Variants in ADAM9 observed in about 807,000 individuals in gnomAD.
The protein encoded by ADAM9 is ADAM metallopeptidase domain 9.
Under a neutral mutation model 108.1 loss-of-function variants are expected in ADAM9, and 54 were observed. That is an observed-to-expected ratio of 0.50 (90% CI 0.40 to 0.63). The LOEUF (loss-of-function observed/expected upper bound fraction) is 0.63. Ranked by LOEUF, ADAM9 falls within the 20% of genes least tolerant of loss-of-function variation. The pLI, the probability that ADAM9 is intolerant of heterozygous loss-of-function variation, is 0.00. For synonymous variants in ADAM9, 316 were observed against 336.0 expected (o/e 0.94, Z 0.65); for missense variants, 830 against 997.7 (o/e 0.83, Z 2.26).
At chr8:39,068,928 G>A (rs1347669795) in intron 14 of ADAM9, among the ~76,000 whole-genome samples, 1 of 152,106 alleles carries the variant, frequency 6.6e-6, no homozygotes, top group African/African-American at 2.4e-5. Flanking sequence ...GTAGAGAAGA[G>A]ACAGTCACTT....
chr8:39,102,633 A>G (rs1472826627), intron 21 of ADAM9, among the ~76,000 whole-genome samples: 3 of 152,252 alleles, frequency 2.0e-5, no homozygotes, highest in Non-Finnish European at 4.4e-5. Context: ...AGAAAAGAAA[A>G]TATGACTAAA....
intron 11 of ADAM9, among the ~76,000 whole-genome samples, chr8:39,037,076 A>C (rs1208765648): frequency 4.4e-5 from 2 of 45,142 alleles, no homozygotes; most frequent in African/African-American, 2.1e-4. Flanking sequence ...TTTTTTTTTG[A>C]GACGGAGTCT....
At chr8:39,038,210 C>G (rs190726089) in intron 11 of ADAM9, among the ~76,000 whole-genome samples, 1 of 152,258 alleles carries the variant, frequency 6.6e-6, no homozygotes, top group African/African-American at 2.4e-5. Context: ...TCACATTACT[C>G]CTGCACTTTT....
chr8:39,054,684 T>C (rs1039449701), intron 13 of ADAM9, 111 bp downstream of exon 13: 4 of 937,354 alleles, frequency 4.3e-6, no homozygotes, highest in Non-Finnish European at 4.8e-6. Context: ...ATTTTTATTT[T>C]ATGGTCATGG....
At chr8:39,080,026 TG>T (rs1220806009) in intron 16 of ADAM9, among the ~76,000 whole-genome samples, 2 of 152,236 alleles carry the variant, frequency 1.3e-5, no homozygotes, top group African/African-American at 2.4e-5. Context: ...CCTATTTCTC[TG>T]ATCTTATTGC....
intron 16 of ADAM9, 110 bp downstream of exon 16, chr8:39,077,521 A>G: frequency 9.1e-6 from 10 of 1,098,680 alleles, no homozygotes; most frequent in African/African-American, 1.6e-5. Flanking sequence ...TAAATTCATT[A>G]TAGAAATTTT....
chr8:39,018,836 G>A lies in ADAM9; in HGVS notation c.607-17G>A, dbSNP rs1836635773. The A allele has an allele frequency of 6.2e-7, 1 of 1,613,528 alleles. No individual in the cohort carries two copies. On this transcript the variant is annotated splice_polypyrimidine_tract_variant and intron_variant, in intron 6 of 21. Transcript: ENST00000487273. Reference sequence around the variant, plus strand: ...TATAACTTCCTTTTGCCTTTATGATGTTTGTGTTTTTGACAGAGAAGAAGA... The same window carrying A: ...TATAACTTCCTTTTGCCTTTATGATATTTGTGTTTTTGACAGAGAAGAAGA...
intron 12 of ADAM9, among the ~76,000 whole-genome samples, chr8:39,046,589 A>G (rs982071234): frequency 9.2e-5 from 14 of 152,092 alleles, no homozygotes; most frequent in Non-Finnish European, 1.6e-4. Context: ...GATTTTAGCT[A>G]TGGGAATTTC....
At chr8:39,091,122 T>C in intron 19 of ADAM9, 137 bp from the exon 20 acceptor site, 1 of 822,634 alleles carries the variant, frequency 1.2e-6, no homozygotes, top group Non-Finnish European at 2.0e-6. Flanking sequence ...CCCTAAAAAT[T>C]TAAACCGTAT....
chr8:39,087,948 G>T (rs1001824788), intron 18 of ADAM9, among the ~76,000 whole-genome samples: 7 of 152,050 alleles, frequency 4.6e-5, no homozygotes, highest in African/African-American at 1.7e-4. Flanking sequence ...CATAGATTTT[G>T]TCTGTTATAT....
chr8:39,101,834 T>TA, intron 20 of ADAM9, 29 bp from the exon 21 acceptor site: 1 of 1,551,398 alleles, frequency 6.4e-7, no homozygotes. Context: ...CACATAGTGG[T>TA]AATAACCTTA....
At chr8:39,082,757 T>C (rs1348585277) in intron 17 of ADAM9, 36 bp downstream of exon 17, 7 of 1,556,812 alleles carry the variant, frequency 4.5e-6, no homozygotes, top group Admixed American at 3.3e-5. Flanking sequence ...TTCCTGAAAG[T>C]AGTGCTAAAT....
chr8:39,090,835 T>G (rs779649135), intron 19 of ADAM9, among the ~76,000 whole-genome samples: 1 of 152,252 alleles, frequency 6.6e-6, no homozygotes, highest in Non-Finnish European at 1.5e-5. Context: ...CTGCACTGAT[T>G]TGCTGTCACT....
At chr8:39,056,877 G>A (rs984600703) in intron 14 of ADAM9, among the ~76,000 whole-genome samples, 5 of 152,090 alleles carry the variant, frequency 3.3e-5, no homozygotes, top group Non-Finnish European at 4.4e-5. Flanking sequence ...GTTAGTTAGG[G>A]TTCTCTAGAG....
intron 1 of ADAM9, 53 bp downstream of exon 1, chr8:38,997,213 C>A (rs1472455053): frequency 7.8e-6 from 12 of 1,542,294 alleles, no homozygotes; most frequent in Non-Finnish European, 1.0e-5. Flanking sequence ...AGGGACGGGG[C>A]GCTCGGAGTG....
At chr8:39,074,044 G>T (rs922546953) in intron 15 of ADAM9, among the ~76,000 whole-genome samples, 1 of 152,074 alleles carries the variant, frequency 6.6e-6, no homozygotes, top group Non-Finnish European at 1.5e-5. Flanking sequence ...GAGTTAATGG[G>T]TGTTAGTACT....
chr8:39,019,306 G>A (rs1404440081), intron 7 of ADAM9, among the ~76,000 whole-genome samples: 1 of 152,130 alleles, frequency 6.6e-6, no homozygotes, highest in Non-Finnish European at 1.5e-5. Context: ...TAGAATTTGA[G>A]ATAACCTATA....
chr8:39,049,579 C>A (rs781766806), intron 12 of ADAM9, among the ~76,000 whole-genome samples: 1 of 151,740 alleles, frequency 6.6e-6, no homozygotes, highest in Non-Finnish European at 1.5e-5. Flanking sequence ...GCTGGGACTA[C>A]AGGTGCCTGC....
intron 4 of ADAM9, 43 bp downstream of exon 4, chr8:39,014,086 A>T: frequency 6.5e-7 from 1 of 1,531,852 alleles, no homozygotes; most frequent in Non-Finnish European, 9.0e-7. Context: ...TTTTAAAACA[A>T]TTATAATTTA....
Sources: allele counts gnomAD v4.1 joint callset (sites outside exome capture counted in the v4.1 genomes callset), GRCh38; gene constraint gnomAD v4.1.1; transcripts MANE v1.5; gene names NCBI Gene and HGNC (gene_info 2026-07-23, HGNC 2026-07-21).